TENM2: variants seen among roughly 807,000 people sequenced by gnomAD.
TENM2 encodes the protein teneurin transmembrane protein 2.
A neutral mutation model predicts 245.2 loss-of-function variants in TENM2; 52 were observed. That is an observed-to-expected ratio of 0.21 (90% CI 0.17 to 0.27). The LOEUF (loss-of-function observed/expected upper bound fraction) is 0.27. TENM2 is among the 10% of genes least tolerant of loss of function. The probability of loss-of-function intolerance (pLI) is 1.00; values close to 1 mark genes in which losing one functional copy is unlikely to be tolerated. For missense variants in TENM2, 3,046 were observed against 3,666.8 expected (o/e 0.83, Z 4.37); for synonymous variants, 1,363 against 1,438.9 (o/e 0.95, Z 1.19).
intron 2 of TENM2, among the ~76,000 whole-genome samples, chr5:167,701,241 TG>T (rs1185101164): frequency 6.6e-6 from 1 of 152,182 alleles, no homozygotes; most frequent in African/African-American, 2.4e-5. Context: ...TTGCAGGATG[TG>T]GGTTTTTTGC....
At chr5:167,036,883 C>T in the TENM2 span, among the ~76,000 whole-genome samples, 1 of 152,166 alleles carries the variant, frequency 6.6e-6, no homozygotes, top group Admixed American at 6.5e-5. Flanking sequence ...CTTATGATCT[C>T]TTACCAGTTT....
At chr5:167,567,977 C>CAAAAA (rs70976435) in intron 2 of TENM2, among the ~76,000 whole-genome samples, 292 of 141,890 alleles carry the variant, frequency 2.1e-3, no homozygotes, top group African/African-American at 7.0e-3. Flanking sequence ...ATATATTGTA[C>CAAAAA]AAAAAAAAAA....
intron 2 of TENM2, among the ~76,000 whole-genome samples, chr5:167,420,707 A>G (rs1291109685): frequency 6.6e-6 from 1 of 152,122 alleles, no homozygotes; most frequent in Non-Finnish European, 1.5e-5. Flanking sequence ...TCCCTGTTTT[A>G]TCATGATACC....
Position 167,608,126 on chromosome 5 carries a change from G to A in TENM2, c.502+232653G>A, listed in dbSNP as rs190160312. ...TAAAAGTCATATCACCCAATGTCGC[G>A]CTAATGCTTAATATTGTCAATATTT... is the stretch of plus-strand genomic sequence containing the variant. On this transcript the variant is annotated intron_variant, in intron 2 of 28. Transcript: ENST00000518659. Among the ~76,000 whole-genome samples, 22 of 152,202 alleles carry A rather than the reference G, an allele frequency of 1.4e-4. 1 individual carries two copies. In the East Asian group the frequency reaches 2.7e-3, roughly 19 times the overall value.
intron 3 of TENM2, among the ~76,000 whole-genome samples, chr5:167,925,496 A>G (rs186019160): frequency 2.5e-4 from 38 of 152,330 alleles, no homozygotes; most frequent in African/African-American, 8.4e-4. Flanking sequence ...TGCTTAAGAC[A>G]CTGCTGGTGG....
chr5:167,636,290 C>T (rs1779205931), intron 2 of TENM2, among the ~76,000 whole-genome samples: 1 of 152,138 alleles, frequency 6.6e-6, no homozygotes, highest in South Asian at 2.1e-4. Flanking sequence ...GCATGATACA[C>T]ACTTCTGTGA....
chr5:167,025,750 C>T, the TENM2 span, among the ~76,000 whole-genome samples: 1 of 152,176 alleles, frequency 6.6e-6, no homozygotes, highest in African/African-American at 2.4e-5. Flanking sequence ...TTTCATTTCA[C>T]ATCTAGAAAA....
chr5:167,833,718 A>C (rs1360266978), intron 2 of TENM2, among the ~76,000 whole-genome samples: 1 of 152,198 alleles, frequency 6.6e-6, no homozygotes, highest in Admixed American at 6.5e-5. Flanking sequence ...GTCTGTCACT[A>C]ACTGAAAAAA....
chr5:167,956,016 T>C (rs1780527635), intron 4 of TENM2, among the ~76,000 whole-genome samples: 1 of 152,206 alleles, frequency 6.6e-6, no homozygotes, highest in Non-Finnish European at 1.5e-5. Context: ...AGAAAGTCAA[T>C]GGTAGCTTGA....
the TENM2 span, among the ~76,000 whole-genome samples, chr5:167,054,751 G>A: frequency 2.0e-5 from 3 of 152,016 alleles, no homozygotes; most frequent in Admixed American, 6.6e-5. Flanking sequence ...GTATCCCATT[G>A]TTTTAATTTG....
intron 12 of TENM2, among the ~76,000 whole-genome samples, chr5:168,157,927 G>A (rs549668912): frequency 9.2e-5 from 14 of 152,114 alleles, no homozygotes; most frequent in African/African-American, 3.4e-4. Context: ...TGGTGTTGTT[G>A]TTGTTGTTGT....
intron 2 of TENM2, among the ~76,000 whole-genome samples, chr5:167,854,891 C>A (rs936111230): frequency 2.0e-5 from 3 of 152,136 alleles, no homozygotes; most frequent in African/African-American, 7.2e-5. Context: ...TCACCCTCAT[C>A]CAAGACTCAC....
At chr5:167,393,191 AAAG>A (rs1204720339) in intron 2 of TENM2, among the ~76,000 whole-genome samples, 1 of 151,938 alleles carries the variant, frequency 6.6e-6, no homozygotes, top group African/African-American at 2.4e-5. Flanking sequence ...AATAAAGAAA[AAAG>A]AGAGAAAATA....
At chr5:168,106,467 C>A (rs143533324) in intron 9 of TENM2, among the ~76,000 whole-genome samples, 1 of 152,146 alleles carries the variant, frequency 6.6e-6, no homozygotes, top group African/African-American at 2.4e-5. Flanking sequence ...CATTTATAGA[C>A]GATTATCATC....
chr5:167,784,531 G>T (rs1438976297), intron 2 of TENM2, among the ~76,000 whole-genome samples: 3 of 152,146 alleles, frequency 2.0e-5, no homozygotes, highest in African/African-American at 2.4e-5. Flanking sequence ...ACACATACAG[G>T]CGTAAGCGGA....
At chr5:167,036,685 G>C in the TENM2 span, among the ~76,000 whole-genome samples, 2 of 152,102 alleles carry the variant, frequency 1.3e-5, no homozygotes, top group Non-Finnish European at 2.9e-5. Context: ...GTATCTTTGA[G>C]TAAGAAGAAC....
intron 3 of TENM2, among the ~76,000 whole-genome samples, chr5:167,893,803 G>T (rs1221724161): frequency 6.6e-6 from 1 of 152,142 alleles, no homozygotes; most frequent in Non-Finnish European, 1.5e-5. Context: ...ATGGGTGACA[G>T]AGGAACTAAG....
chr5:167,288,565 A>AAAC (rs1048001250), intron 1 of TENM2, among the ~76,000 whole-genome samples: 1 of 152,040 alleles, frequency 6.6e-6, no homozygotes, highest in African/African-American at 2.4e-5. Context: ...TCTCAAAAAA[A>AAAC]AAAAAAAAAG....
chr5:167,019,226 GA>G, the TENM2 span, among the ~76,000 whole-genome samples: 191 of 152,138 alleles, frequency 1.3e-3, no homozygotes, highest in Non-Finnish European at 2.0e-3. Flanking sequence ...ATTAGCAATT[GA>G]ATTGTCTTGA....
Sources: gnomAD v4.1 joint callset for allele counts (sites outside exome capture counted in the v4.1 genomes callset) on GRCh38, gnomAD v4.1.1 for gene constraint, MANE v1.5 for transcripts, NCBI Gene and HGNC (gene_info 2026-07-23, HGNC 2026-07-21) for gene names.